CPM: variants seen among roughly 807,000 people sequenced by gnomAD.
The protein encoded by CPM is carboxypeptidase M.
CPM carries 35 observed loss-of-function variants against 46.4 expected under a neutral mutation model. The ratio of observed to expected loss-of-function variants is 0.75; its 90% CI spans 0.58 to 1.00. The LOEUF is 1.00. Among genes scored for constraint, CPM ranks in the 50% least tolerant of loss-of-function variants. The pLI, the probability that CPM is intolerant of heterozygous loss-of-function variation, is 0.00. For synonymous variants in CPM, 195 were observed against 195.3 expected (o/e 1.00, Z 0.01); for missense variants, 422 against 530.4 (o/e 0.80, Z 2.01).
chr12:68,962,923 C>G (rs114056012), intron 1 of CPM, among the ~76,000 whole-genome samples: 1 of 152,192 alleles, frequency 6.6e-6, no homozygotes, highest in South Asian at 2.1e-4. Flanking sequence ...AGTGGTCCCA[C>G]CTTTCTGGAC....
intron 1 of CPM, among the ~76,000 whole-genome samples, chr12:68,939,088 A>G (rs1888719298): frequency 1.4e-5 from 2 of 146,384 alleles, no homozygotes; most frequent in African/African-American, 2.5e-5. Flanking sequence ...ATGTATACAC[A>G]TATGTATCTA....
chr12:68,863,499 G>A (rs940789384), intron 7 of CPM, among the ~76,000 whole-genome samples: 4 of 152,136 alleles, frequency 2.6e-5, no homozygotes, highest in African/African-American at 9.7e-5. Flanking sequence ...CAGCACCAAG[G>A]GGCCCGAGTT....
At chr12:68,947,524 G>A (rs1020837772) in intron 1 of CPM, among the ~76,000 whole-genome samples, 4 of 151,924 alleles carry the variant, frequency 2.6e-5, no homozygotes, top group Non-Finnish European at 5.9e-5. Flanking sequence ...TTGAACCTGG[G>A]AGGCGGAGCT....
At chr12:68,888,448 A>G (rs1464098423) in intron 2 of CPM, among the ~76,000 whole-genome samples, 3 of 152,170 alleles carry the variant, frequency 2.0e-5, no homozygotes, top group Non-Finnish European at 4.4e-5. Flanking sequence ...AAAACCAACC[A>G]ACAGACCTGA....
At chr12:68,845,951 G>A (rs1421344107) in intron 5 of CPM, 3 of 53,540 alleles carry the variant, frequency 5.6e-5, no homozygotes, top group Non-Finnish European at 7.5e-5. Flanking sequence ...CACCTCCCCC[G>A]ACCCCGCTGC....
chr12:68,921,244 C>T (rs551526229), intron 2 of CPM, among the ~76,000 whole-genome samples: 4 of 151,286 alleles, frequency 2.6e-5, no homozygotes, highest in Non-Finnish European at 5.9e-5. Flanking sequence ...CGGGTTCAAG[C>T]GATTCTCCTG....
Position 68,856,391 on chromosome 12 carries a change from A to G in CPM, c.*46T>C, listed in dbSNP as rs1261259097. ...GGGTTGCAGTAACCTGGAGTGAGCA[A>G]TCCCTGATTCCAGGTGGTGATGTGG... On this transcript the variant is annotated 3_prime_UTR_variant, in exon 9 of 9. Transcript: ENST00000551568. 1 of 1,588,352 alleles carries G rather than the reference A, an allele frequency of 6.3e-7. No individual in the cohort carries two copies. The highest frequency in any genetic ancestry group is 1.3e-5 in the African/African-American group (1 of 74,540).
chr12:68,960,377 C>A (rs184076060), intron 1 of CPM, among the ~76,000 whole-genome samples: 1 of 152,082 alleles, frequency 6.6e-6, no homozygotes, highest in Non-Finnish European at 1.5e-5. Context: ...AAATTATATC[C>A]GTCTTTGTGG....
intron 2 of CPM, among the ~76,000 whole-genome samples, chr12:68,927,689 T>A (rs1326956721): frequency 6.6e-6 from 1 of 152,212 alleles, no homozygotes; most frequent in Non-Finnish European, 1.5e-5. Flanking sequence ...AGGGTTTTTA[T>A]GGTTTTAGGT....
rs749081613 is a variant in CPM at position 68,852,113 on chromosome 12, T to C, written c.*4324A>G. On this transcript the variant is annotated 3_prime_UTR_variant, in exon 9 of 9. Coordinates refer to ENST00000551568, the MANE Select transcript of CPM (RefSeq NM_198320.5). ...AACAGATCACAAATGCAAATTTGCT[T>C]CTGGAACAAAACATAACATTGATTT... is the stretch of plus-strand genomic sequence containing the variant. 1.2e-4 allele frequency: 18 copies of C among 152,222 alleles called. No individual in the cohort carries two copies. Among genetic ancestry groups the C allele is most frequent in the Non-Finnish European group, 2.1e-4 (14 of 68,034 alleles). 9.4% of individuals were successfully genotyped at this position (152,222 alleles called of 1,614,324 possible). A position where few individuals can be genotyped will look rare whatever the true frequency, so the allele number is the denominator to read the frequency against.
chr12:68,865,371 C>T (rs1885390134), intron 7 of CPM, among the ~76,000 whole-genome samples: 1 of 152,114 alleles, frequency 6.6e-6, no homozygotes. Context: ...CTCTTCAGGT[C>T]AGGGCATGGA....
chr12:68,929,921 T>A (rs1012725126), intron 2 of CPM, among the ~76,000 whole-genome samples: 4 of 152,192 alleles, frequency 2.6e-5, no homozygotes, highest in Admixed American at 6.5e-5. Context: ...GTGATATGCA[T>A]ATATTTACAT....
In CPM at chr12:68,869,465, G is replaced by A. The variant is rs764491691; in HGVS notation, c.647C>T (p.Thr216Met). The A allele has an allele frequency of 3.0e-5, 48 of 1,612,012 alleles. No individual in the cohort carries two copies. The Admixed American group carries it at 6.0e-4, about 20-fold the overall frequency. ...ATATTGAAAAACATCATCATCAGGC[G>A]TTAAGCTTCGGGAGTATAATGCCCC... ...ATGALYSRSL[T>M]PDDDVFQYLA... The change falls in exon 6 of 9, where the codon ACG (threonine) becomes ATG (methionine). Residue 216 changes from threonine to methionine, a missense_variant. Thr to Met is a moderately conservative substitution (Grantham distance 81). Transcript: ENST00000551568.
Position 68,859,201 on chromosome 12 carries a change from TAGAG to T in CPM, c.941-134_941-131del, listed in dbSNP as rs1217207183. 26 of 480,808 alleles carry T rather than the reference TAGAG, an allele frequency of 5.4e-5. No homozygotes were observed. The South Asian group carries it at 5.5e-4, about 10-fold the overall frequency. The allele number at this position is 480,808 out of a possible 1,614,324, so 29.8% of individuals were successfully genotyped here. A position where few individuals can be genotyped will look rare whatever the true frequency, so the allele number is the denominator to read the frequency against. On this transcript the variant is annotated intron_variant, in intron 7 of 8. Transcript: ENST00000551568. ...AATGTTGTGAGTTAATATTAAGTGT[TAGAG>T]AGGGAAAAAACTTATTTTTGATGTA...
chr12:68,901,392 A>T, intron 2 of CPM, among the ~76,000 whole-genome samples: 1 of 152,244 alleles, frequency 6.6e-6, no homozygotes, highest in East Asian at 1.9e-4. Context: ...GGAAGCCCCA[A>T]GGTGAGGAAT....
chr12:68,847,196 T>TTATATATATA (rs59862219), downstream of CPM: 279 of 92,048 alleles, frequency 3.0e-3, 37 homozygotes, highest in African/African-American at 0.015. Context: ...TGTGTGTACA[T>TTATATATATA]TATATATATA....
intron 3 of CPM, among the ~76,000 whole-genome samples, chr12:68,881,981 C>G (rs1444038871): frequency 1.3e-5 from 2 of 148,370 alleles, no homozygotes; most frequent in East Asian, 2.0e-4. Context: ...CTCAGCCTCC[C>G]AAAATGCTGG....
At chr12:68,941,570 T>C (rs1004708934) in intron 1 of CPM, among the ~76,000 whole-genome samples, 1 of 152,046 alleles carries the variant, frequency 6.6e-6, no homozygotes, top group African/African-American at 2.4e-5. Flanking sequence ...AGATACAGAG[T>C]CTCACCATGT....
At chr12:68,857,209 G>A (rs1191004634) in intron 8 of CPM, among the ~76,000 whole-genome samples, 3 of 147,966 alleles carry the variant, frequency 2.0e-5, no homozygotes, top group Non-Finnish European at 4.5e-5. Context: ...CACCCAGCCT[G>A]GAGTACAGTG....
Sources: gnomAD v4.1 joint callset for allele counts (sites outside exome capture counted in the v4.1 genomes callset) on GRCh38, gnomAD v4.1.1 for gene constraint, MANE v1.5 for transcripts, NCBI Gene and HGNC (gene_info 2026-07-23, HGNC 2026-07-21) for gene names.